TSC2: variants seen among roughly 807,000 people sequenced by gnomAD.
TSC2 encodes the protein TSC complex subunit 2.
TSC2 carries 29 observed loss-of-function variants against 202.2 expected under a neutral mutation model. The observed-to-expected ratio is 0.14, with a 90% CI of 0.11 to 0.20. The LOEUF (loss-of-function observed/expected upper bound fraction) is 0.20, where lower values mean the gene tolerates loss of function less well. Ranked by LOEUF, TSC2 falls within the 10% of genes least tolerant of loss-of-function variation. TSC2 has a pLI of 1.00. For missense variants in TSC2, 2,429 were observed against 2,420.0 expected, an observed-to-expected ratio of 1.00 and a Z score of -0.08; for synonymous variants, 1,349 against 1,044.0, an observed-to-expected ratio of 1.29 and a Z score of -5.63.
chr16:2,075,650 G>A (rs1041843644), intron 22 of TSC2, 149 bp from the exon 23 acceptor site: 15 of 769,598 alleles, frequency 1.9e-5, no homozygotes, highest in Admixed American at 1.9e-4. Context: ...CGAGAGTTGA[G>A]GCCAGGGTCG....
intron 2 of TSC2, among the ~76,000 whole-genome samples, chr16:2,049,034 T>C (rs2084742016): frequency 6.6e-6 from 1 of 152,206 alleles, no homozygotes. Context: ...CAGGTAAGGA[T>C]ATGTCCAGGT....
At chr16:2,086,531 A>G (rs1052604327) in intron 37 of TSC2, 152 bp downstream of exon 37, 5 of 1,392,626 alleles carry the variant, frequency 3.6e-6, no homozygotes, top group South Asian at 1.3e-5. Context: ...CAGCGTGGGC[A>G]TGGAGGCAGT....
intron 34 of TSC2, 26 bp downstream of exon 34, chr16:2,084,741 C>G: frequency 6.3e-7 from 1 of 1,598,396 alleles, no homozygotes; most frequent in Admixed American, 1.7e-5. Context: ...CCGGGCGGGG[C>G]TCCTGACACC....
At chr16:2,070,278 G>C (rs922714600) in intron 16 of TSC2, among the ~76,000 whole-genome samples, 178 bp from the exon 17 acceptor site, 2 of 152,164 alleles carry the variant, frequency 1.3e-5, no homozygotes, top group African/African-American at 4.8e-5. Flanking sequence ...CACGAGGTTG[G>C]GTTTTACTTT....
Position 2,072,236 on chromosome 16 carries a change from C to T in TSC2, c.2098-5C>T, listed in dbSNP as rs369072310. On this transcript the variant is annotated splice_polypyrimidine_tract_variant and splice_region_variant and intron_variant, in intron 19 of 41. Coordinates refer to ENST00000219476, the MANE Select transcript of TSC2 (RefSeq NM_000548.5). ...GCCCTGTCCTGACGCCTCCTCTCCT[C>T]GCAGGAGTCTGACTGGAAGGTGCTG... 1.3e-5 allele frequency: 21 copies of T among 1,613,876 alleles called. No homozygotes were observed. Among genetic ancestry groups the T allele is most frequent in the East Asian group, 2.2e-5 (1 of 44,896 alleles).
In TSC2 at chr16:2,071,573, G is replaced by A. The variant is rs1060500932; in HGVS notation, c.1903G>A (p.Asp635Asn). ...GCACCGCCTGGGCCTGCCCAACAAG[G>A]ATGGAGTCGTGCGGTTCAGCCCCTA... ...SLHRLGLPNK[D>N]GVVRFSPYCV... Residue 635 changes from aspartate to asparagine, a missense_variant, in exon 18 of 42, where the codon GAT becomes AAT. Physicochemically the swap from Asp to Asn is conservative, Grantham distance 23. Transcript: ENST00000219476. 1.2e-6 allele frequency: 2 copies of A among 1,613,590 alleles called. No individual in the cohort carries two copies. The highest frequency in any genetic ancestry group is 8.5e-7 in the Non-Finnish European group (1 of 1,180,034).
chr16:2,088,143 A>AGTG lies in TSC2; in HGVS notation c.5160+6_5160+8dup. 6.2e-7 allele frequency: 1 copy of AGTG among 1,612,954 alleles called. No individual in the cohort carries two copies. Among genetic ancestry groups the AGTG allele is most frequent in the Non-Finnish European group, 8.5e-7 (1 of 1,179,986 alleles). On this transcript the variant is annotated splice_donor_region_variant and intron_variant, in intron 40 of 41. Coordinates refer to ENST00000219476, the MANE Select transcript of TSC2 (RefSeq NM_000548.5). The stretch of plus-strand genomic sequence containing the variant: ...CCAGATGGCCCTGCACGCAAATGTG[A>AGTG]GTGGGGGTGGGTCCAGGCGTGAGCT...
intron 1 of TSC2, 22 bp downstream of exon 1, chr16:2,048,087 G>A: frequency 3.5e-6 from 5 of 1,435,282 alleles, no homozygotes; most frequent in Non-Finnish European, 3.6e-6. Flanking sequence ...TCCCCACGGG[G>A]CAAGTGGCGG....
intron 20 of TSC2, 62 bp from the exon 21 acceptor site, chr16:2,072,787 C>T: frequency 1.2e-6 from 2 of 1,611,814 alleles, no homozygotes. Context: ...CTCCCCAGCC[C>T]CTCTGGCTAC....
At chr16:2,072,818 G>C (rs771906540) in intron 20 of TSC2, 31 bp from the exon 21 acceptor site, 8 of 1,613,090 alleles carry the variant, frequency 5.0e-6, no homozygotes, top group Non-Finnish European at 6.8e-6. Context: ...GGCCGCTGGG[G>C]AGAGGTTTCA....
chr16:2,060,390 G>A (rs966764767), intron 10 of TSC2, among the ~76,000 whole-genome samples: 1 of 152,188 alleles, frequency 6.6e-6, no homozygotes, highest in Admixed American at 6.5e-5. Flanking sequence ...AGTTGCTGCT[G>A]GGCTGGCCCA....
intron 4 of TSC2, chr16:2,053,874 C>A (rs905557204): frequency 2.1e-6 from 1 of 471,722 alleles, no homozygotes; most frequent in Non-Finnish European, 4.2e-6. Flanking sequence ...CCTGCCTCCC[C>A]TGGTCGGCCA....
rs1335453578 is a variant in TSC2, at chr16:2,089,239, G to T, written c.*629G>T. On this transcript the variant is annotated 3_prime_UTR_variant, in exon 42 of 42. Transcript: ENST00000219476. ...AGGCCCCTCAGCCCTAGTGAAAATA[G>T]TGACATACAAAAATATACACATTTT... The T allele has an allele frequency of 5.7e-6, 1 of 174,654 alleles. No individual in the cohort carries two copies. The highest frequency in any genetic ancestry group is 2.4e-5 in the African/African-American group (1 of 41,920). The allele number at this position is 174,654 out of a possible 1,614,324, so 10.8% of individuals were successfully genotyped here.
At position 2,084,725 on chromosome 16, in the gene TSC2, T is replaced by C. The variant is rs764108528; in HGVS notation, c.4493+10T>C. On this transcript the variant is annotated intron_variant, in intron 34 of 41. Coordinates refer to ENST00000219476, the MANE Select transcript of TSC2 (RefSeq NM_000548.5). ...CAGGCATCAACCCCAGGTGGGCCTC[T>C]TGCTTCCGGGCGGGGCTCCTGACAC... The C allele has an allele frequency of 1.3e-6, 2 of 1,598,394 alleles. No individual in the cohort carries two copies. The highest frequency in any genetic ancestry group is 1.1e-5 in the South Asian group (1 of 91,080).
At chr16:2,069,038 G>A (rs1220517376) in intron 16 of TSC2, among the ~76,000 whole-genome samples, 2 of 152,126 alleles carry the variant, frequency 1.3e-5, no homozygotes, top group African/African-American at 2.4e-5. Flanking sequence ...TGGGAGAGGC[G>A]GAAGAAAATT....
At chr16:2,070,334 C>T (rs1173594178) in intron 16 of TSC2, 122 bp from the exon 17 acceptor site, 47 of 1,540,038 alleles carry the variant, frequency 3.1e-5, no homozygotes, top group East Asian at 6.9e-5. Context: ...GTTTGAAGGT[C>T]GTGTGTTTTG....
In TSC2 at chr16:2,082,340, C is replaced by T. The variant is rs575401966; in HGVS notation, c.3815-96C>T. On this transcript the variant is annotated intron_variant, in intron 31 of 41. Transcript: ENST00000219476. The stretch of plus-strand genomic sequence containing the variant: ...GCCCCTGCCGGCCGCTGGCCCTGCC[C>T]TCTCTCCTCTGCAGGCACGGGGCCT... The T allele has an allele frequency of 1.0e-3, 1,449 of 1,451,746 alleles. 4 individuals carry two copies. The highest frequency in any genetic ancestry group is 1.3e-3 in the Non-Finnish European group (1,385 of 1,038,952). 89.9% of individuals were successfully genotyped at this position (1,451,746 alleles called of 1,614,324 possible). A position where few individuals can be genotyped will look rare whatever the true frequency, so the allele number is the denominator to read the frequency against.
rs1309168496 is a variant in TSC2 at position 2,064,419 on chromosome 16, A to G, written c.1591A>G (p.Ile531Val). The part of the protein sequence containing the change: ...THHFNSLLDI[I>V]EKVMARSLSP... Reference sequence around the variant, plus strand: ...CCACTTCAACAGCCTGCTGGACATCATCGAGAAGGTGAGAGCCGTTGTACC... The same window carrying G: ...CCACTTCAACAGCCTGCTGGACATCGTCGAGAAGGTGAGAGCCGTTGTACC... The change falls in exon 15 of 42, where the codon ATC becomes GTC. Residue 531 changes from isoleucine to valine, a missense_variant. Coordinates refer to ENST00000219476, the MANE Select transcript of TSC2 (RefSeq NM_000548.5). 2.5e-6 allele frequency: 4 copies of G among 1,613,412 alleles called. No individual in the cohort carries two copies. The African/African-American group carries it at 5.3e-5, about 22-fold the overall frequency.
intron 11 of TSC2, chr16:2,061,358 A>T (rs902953701): frequency 3.4e-6 from 1 of 291,818 alleles, no homozygotes; most frequent in Non-Finnish European, 6.7e-6. Flanking sequence ...CTTCGCCGGG[A>T]CTTAGCAGGG....
Sources: allele counts gnomAD v4.1 joint callset (sites outside exome capture counted in the v4.1 genomes callset), GRCh38; gene constraint gnomAD v4.1.1; transcripts MANE v1.5; gene names NCBI Gene and HGNC (gene_info 2026-07-23, HGNC 2026-07-21).